PDE4DIP: variants seen among roughly 807,000 people sequenced by gnomAD.
PDE4DIP encodes myomegalin.
A neutral mutation model predicts 221.4 loss-of-function variants in PDE4DIP; 59 were observed. The ratio of observed to expected loss-of-function variants is 0.27; its 90% CI spans 0.22 to 0.33. The LOEUF is 0.33. PDE4DIP is among the 10% of genes least tolerant of loss of function. The pLI is 1.00. For synonymous variants in PDE4DIP, 404 were observed against 815.9 expected (o/e 0.50, Z 8.60); for missense variants, 1,036 against 2,154.2 (o/e 0.48, Z 10.28).
At chr1:148,995,924 T>TAA (rs10671860) in intron 22 of PDE4DIP, among the ~76,000 whole-genome samples, 29 of 141,956 alleles carry the variant, frequency 2.0e-4, no homozygotes, top group African/African-American at 5.8e-4. Flanking sequence ...TGTATATATG[T>TAA]AAAAAAAAAA....
intron 32 of PDE4DIP, among the ~76,000 whole-genome samples, chr1:149,014,776 G>A (rs1380243804): frequency 1.3e-5 from 2 of 149,054 alleles, no homozygotes; most frequent in Non-Finnish European, 3.0e-5. Context: ...GTGCATGGTG[G>A]CCTCTCAGGT....
At chr1:148,953,768 G>A (rs782306986) in intron 5 of PDE4DIP, 1 of 1,460,258 alleles carries the variant, frequency 6.8e-7, no homozygotes, top group Non-Finnish European at 9.5e-7. Context: ...TAGCATGACA[G>A]ATGGAGTTAG....
chr1:148,996,306 CG>C (rs1407225506), intron 22 of PDE4DIP, among the ~76,000 whole-genome samples: 14 of 152,132 alleles, frequency 9.2e-5, no homozygotes, highest in Non-Finnish European at 1.9e-4. Flanking sequence ...TTAAGTTACT[CG>C]GAAAGAGTTT....
intron 9 of PDE4DIP, among the ~76,000 whole-genome samples, chr1:148,964,998 A>G (rs587728144): frequency 6.7e-6 from 1 of 150,186 alleles, no homozygotes; most frequent in Admixed American, 6.6e-5. Flanking sequence ...AGCTAAAGGA[A>G]ACATTTCCCC....
chr1:148,981,860 TTGAG>T (rs748727502), intron 21 of PDE4DIP: 424 of 163,702 alleles, frequency 2.6e-3, no homozygotes, highest in Non-Finnish European at 4.4e-3. Flanking sequence ...CAACTCCTCT[TTGAG>T]TGAGAGCATT....
intron 1 of PDE4DIP, among the ~76,000 whole-genome samples, chr1:148,824,466 G>C (rs1571387715): frequency 9.3e-6 from 1 of 107,368 alleles, no homozygotes; most frequent in African/African-American, 3.7e-5. Context: ...CTGCCCTACT[G>C]TATTCATTAC....
chr1:149,026,560 G>A (rs2075238083), intron 38 of PDE4DIP, 155 bp from the exon 42 acceptor site: 6 of 555,744 alleles, frequency 1.1e-5, no homozygotes, highest in South Asian at 8.4e-5. Flanking sequence ...TGACTCATAG[G>A]CTTTTGATTT....
At chr1:148,822,597 G>T (rs1553362157) in intron 1 of PDE4DIP, among the ~76,000 whole-genome samples, 1 of 150,340 alleles carries the variant, frequency 6.7e-6, no homozygotes, top group African/African-American at 2.4e-5. Context: ...GGAGACCACT[G>T]CCCTAGGACA....
intron 5 of PDE4DIP, chr1:148,953,203 G>T: frequency 6.2e-7 from 1 of 1,613,832 alleles, no homozygotes; most frequent in Non-Finnish European, 8.5e-7. Flanking sequence ...TTGAGTGCTG[G>T]GTGGAGAATG....
In PDE4DIP at chr1:149,023,567, A is replaced by G. The variant is rs587746658; in HGVS notation, c.6086-878A>G. On this transcript the variant is annotated intron_variant, in intron 37 of 43. Transcript: ENST00000369354. ...TATATATTTATATATATGTGCATGT[A>G]TATATATGTGTGTACATGTCATATA... Among the ~76,000 whole-genome samples the G allele has an allele frequency of 8.8e-4, 130 of 147,222 alleles. 6 individuals are homozygous for G. Among genetic ancestry groups the G allele is most frequent in the South Asian group, 5.0e-3 (23 of 4,556 alleles).
chr1:149,023,365 T>C (rs1441436897), intron 37 of PDE4DIP, among the ~76,000 whole-genome samples: 1 of 151,608 alleles, frequency 6.6e-6, no homozygotes, highest in East Asian at 1.9e-4. Flanking sequence ...ATGTTATATA[T>C]GATATATGCA....
chr1:148,922,987 G>C (rs1355057072), intron 1 of PDE4DIP, among the ~76,000 whole-genome samples: 3 of 141,232 alleles, frequency 2.1e-5, no homozygotes, highest in Non-Finnish European at 4.6e-5. Flanking sequence ...ACCCCGGCTG[G>C]AGTACAGTGG....
At chr1:148,879,025 GTTT>G (rs1479107387) in intron 3 of PDE4DIP, among the ~76,000 whole-genome samples, 5 of 71,800 alleles carry the variant, frequency 7.0e-5, no homozygotes, top group Non-Finnish European at 1.5e-4. Context: ...TTGGTTTTTG[GTTT>G]TGTTTTGTTT....
intron 1 of PDE4DIP, among the ~76,000 whole-genome samples, chr1:148,910,819 C>T (rs1346353542): frequency 9.7e-6 from 1 of 103,616 alleles, no homozygotes; most frequent in South Asian, 4.2e-4. Flanking sequence ...TGCTTATACG[C>T]TGTTGGTGAG....
intron 4 of PDE4DIP, among the ~76,000 whole-genome samples, chr1:148,937,209 C>T (rs1407882571): frequency 3.3e-5 from 5 of 152,142 alleles, no homozygotes; most frequent in Middle Eastern, 3.2e-3. Context: ...GGACCATCAT[C>T]ATACATGCAG....
At chr1:148,826,260 G>A (rs1223578413) in intron 1 of PDE4DIP, among the ~76,000 whole-genome samples, 1 of 86,504 alleles carries the variant, frequency 1.2e-5, no homozygotes, top group African/African-American at 4.2e-5. Context: ...CACAAGCTCT[G>A]AGCCTGGGCC....
At chr1:148,952,989 G>A (rs199502396) in intron 5 of PDE4DIP, 1 of 1,613,440 alleles carries the variant, frequency 6.2e-7, no homozygotes, top group Admixed American at 1.7e-5. Context: ...GTTATTGCCC[G>A]GATTGAAGCG....
At chr1:148,942,487 C>T (rs1197365513) in intron 5 of PDE4DIP, among the ~76,000 whole-genome samples, 1 of 144,546 alleles carries the variant, frequency 6.9e-6, no homozygotes, top group Non-Finnish European at 1.5e-5. Flanking sequence ...ATATCTCCTT[C>T]CAATCCTTCT....
chr1:148,980,109 T>G (rs1188538109), intron 20 of PDE4DIP, among the ~76,000 whole-genome samples: 3 of 152,254 alleles, frequency 2.0e-5, no homozygotes, highest in Non-Finnish European at 4.4e-5. Context: ...AGACAGCTTT[T>G]GTGTCTAAAA....
Sources: gnomAD v4.1 joint callset for allele counts (sites outside exome capture counted in the v4.1 genomes callset) on GRCh38, gnomAD v4.1.1 for gene constraint, MANE v1.5 for transcripts, NCBI Gene and HGNC (gene_info 2026-07-23, HGNC 2026-07-21) for gene names.